Variants in MRPS6 observed in about 807,000 individuals in gnomAD.
MRPS6 encodes mitochondrial ribosomal protein S6.
Under a neutral mutation model 13.1 loss-of-function variants are expected in MRPS6, and 6 were observed. That is an observed-to-expected ratio of 0.46 (90% CI 0.25 to 0.91). The LOEUF (loss-of-function observed/expected upper bound fraction) is 0.91. Ranked by LOEUF, MRPS6 falls within the 40% of genes least tolerant of loss-of-function variation. MRPS6 has a pLI of 0.18. For synonymous variants in MRPS6, 61 were observed against 56.5 expected, an observed-to-expected ratio of 1.08 and a Z score of -0.36; for missense variants, 164 against 155.6, an observed-to-expected ratio of 1.05 and a Z score of -0.29.
At chr21:34,098,552 A>T (rs1979079243) in intron 1 of MRPS6, 1 of 1,000,150 alleles carries the variant, frequency 1.0e-6, no homozygotes, top group African/African-American at 1.7e-5. Flanking sequence ...TTTCAGTGCA[A>T]ACTGGCCGTC....
At chr21:34,113,055 C>T (rs950766143) in intron 1 of MRPS6, among the ~76,000 whole-genome samples, 2 of 152,150 alleles carry the variant, frequency 1.3e-5, no homozygotes, top group Admixed American at 1.3e-4. Flanking sequence ...CACCTCATGT[C>T]TGTCAGGATG....
In MRPS6 at chr21:34,096,275, T is replaced by A. The variant is rs1978960726; in HGVS notation, c.45+22530T>A. 6.2e-7 allele frequency: 1 copy of A among 1,614,012 alleles called. No individual in the cohort carries two copies. The highest frequency in any genetic ancestry group is 1.7e-5 in the Admixed American group (1 of 59,978). ...ACCCACGCCTGGTGATGAAGCTGGT[T>A]CCTGTGGGCCTTCGGGGTTTAATGA... On this transcript the variant is annotated intron_variant, in intron 1 of 2. Transcript: ENST00000399312. The surrounding 1 kb of genome is among the most constrained non-coding windows in gnomAD (Gnocchi z 5.9).
At chr21:34,103,014 AT>A in intron 1 of MRPS6, 2 of 999,834 alleles carry the variant, frequency 2.0e-6, no homozygotes, top group Non-Finnish European at 2.4e-6. Context: ...AGTAGTCTAG[AT>A]AAGTTTTCAA....
Position 34,096,433 on chromosome 21 carries a change from G to A in MRPS6, c.45+22688G>A. ...TCCCGGGAGTTAATGATTGTGGGGA[G>A]GATATTTGTGGCATTTATGGTGGTG... On this transcript the variant is annotated intron_variant, in intron 1 of 2. Coordinates refer to ENST00000399312, the MANE Select transcript of MRPS6 (RefSeq NM_032476.4). This position sits in a 1 kb window ranked among gnomAD's most constrained non-coding sequence, Gnocchi z 5.9. 3 of 1,614,190 alleles carry A rather than the reference G, an allele frequency of 1.9e-6. No individual in the cohort carries two copies. Among genetic ancestry groups the A allele is most frequent in the Non-Finnish European group, 2.5e-6 (3 of 1,180,032 alleles).
rs1989241581 is a variant in MRPS6, at chr21:34,073,625, A to G, written c.-76A>G. ...CCGGCGCAGCAGTTTCTAGGTCCCCACTGTCCCCGCCGTCCCGCCCCTTCG... is the reference window on the plus strand; with the variant it reads ...CCGGCGCAGCAGTTTCTAGGTCCCCGCTGTCCCCGCCGTCCCGCCCCTTCG... On this transcript the variant is annotated 5_prime_UTR_variant, in exon 1 of 3. Coordinates refer to ENST00000399312, the MANE Select transcript of MRPS6 (RefSeq NM_032476.4). 5.2e-6 allele frequency: 7 copies of G among 1,334,304 alleles called. No homozygotes were observed. The highest frequency in any genetic ancestry group is 2.0e-5 in the Admixed American group (1 of 50,496). 82.7% of individuals were successfully genotyped at this position (1,334,304 alleles called of 1,614,324 possible). A position where few individuals can be genotyped will look rare whatever the true frequency, so the allele number is the denominator to read the frequency against.
intron 1 of MRPS6, among the ~76,000 whole-genome samples, chr21:34,087,419 T>C (rs1016241912): frequency 6.6e-6 from 1 of 152,226 alleles, no homozygotes; most frequent in East Asian, 1.9e-4. Flanking sequence ...ACCTGTAATA[T>C]GTAAGATGGT....
intron 1 of MRPS6, chr21:34,098,790 T>A: frequency 1.0e-6 from 1 of 1,000,176 alleles, no homozygotes; most frequent in Non-Finnish European, 1.2e-6. Context: ...AGAGAAAAGC[T>A]CTACAGATTA....
At chr21:34,082,285 G>C (rs1989476332) in intron 1 of MRPS6, among the ~76,000 whole-genome samples, 1 of 152,116 alleles carries the variant, frequency 6.6e-6, no homozygotes, top group East Asian at 1.9e-4. Flanking sequence ...TTCAATTCTT[G>C]AAAGTATCTA....
intron 1 of MRPS6, among the ~76,000 whole-genome samples, chr21:34,093,650 A>T (rs16991192): frequency 0.068 from 10,282 of 152,272 alleles, 1,172 homozygotes; most frequent in African/African-American, 0.23. Flanking sequence ...GAAATCATTT[A>T]GAAGTTAATG....
At chr21:34,080,498 C>G (rs781595762) in intron 1 of MRPS6, among the ~76,000 whole-genome samples, 12 of 152,134 alleles carry the variant, frequency 7.9e-5, no homozygotes, top group Non-Finnish European at 1.5e-4. Flanking sequence ...TTCCACAATA[C>G]CCCACCACCT....
intron 1 of MRPS6, chr21:34,105,137 A>T (rs1169975583): frequency 1.0e-6 from 1 of 1,000,082 alleles, no homozygotes; most frequent in Non-Finnish European, 1.2e-6. Flanking sequence ...GATGGTATGG[A>T]ATTTGTTCCC....
intron 2 of MRPS6, among the ~76,000 whole-genome samples, chr21:34,132,816 C>T (rs554336773): frequency 2.0e-5 from 3 of 152,252 alleles, no homozygotes; most frequent in East Asian, 3.9e-4. Flanking sequence ...CCATTTGGTC[C>T]CAAAGCTATC....
intron 2 of MRPS6, chr21:34,135,728 G>T (rs1980672931): frequency 2.4e-6 from 1 of 421,174 alleles, no homozygotes; most frequent in East Asian, 6.0e-5. Context: ...TGGAGGTGAG[G>T]GTTCTCGCCT....
chr21:34,123,744 C>T (rs1025665360), intron 1 of MRPS6: 1 of 152,066 alleles, frequency 6.6e-6, no homozygotes, highest in Admixed American at 6.6e-5. Flanking sequence ...TTGCTTGTCC[C>T]TGGAGCCCTG....
At chr21:34,117,929 A>G (rs1215149818) in intron 1 of MRPS6, among the ~76,000 whole-genome samples, 1 of 152,188 alleles carries the variant, frequency 6.6e-6, no homozygotes, top group Non-Finnish European at 1.5e-5. Context: ...CATATTCACG[A>G]GTGCTTTTTA....
Position 34,096,890 on chromosome 21 carries a change from A to T in MRPS6, c.45+23145A>T, listed in dbSNP as rs199799705. The T allele has an allele frequency of 6.2e-7, 1 of 1,614,176 alleles. No homozygotes were observed. On this transcript the variant is annotated intron_variant, in intron 1 of 2. Transcript: ENST00000399312. This position sits in a 1 kb window ranked among gnomAD's most constrained non-coding sequence, Gnocchi z 5.9. ...AGAACTGCTCCCCAAAAGAGGAACCATACAAAATGCAAGAAAAGAGCATTC... is the reference window on the plus strand; with the variant it reads ...AGAACTGCTCCCCAAAAGAGGAACCTTACAAAATGCAAGAAAAGAGCATTC...
At chr21:34,139,671 G>A (rs1019841986) in intron 2 of MRPS6, among the ~76,000 whole-genome samples, 2 of 152,062 alleles carry the variant, frequency 1.3e-5, no homozygotes, top group Non-Finnish European at 2.9e-5. Context: ...TGGACCTCCT[G>A]GGTTCAAGTC....
chr21:34,099,610 T>A, intron 1 of MRPS6: 1 of 999,636 alleles, frequency 1.0e-6, no homozygotes, highest in Non-Finnish European at 1.2e-6. Context: ...GTGATTTTTT[T>A]TTTCTCCCTT....
Position 34,122,037 on chromosome 21 carries a change from G to T in MRPS6, c.46-3304G>T, listed in dbSNP as rs1302910232. 10 of 152,314 alleles carry T rather than the reference G, an allele frequency of 6.6e-5. No individual in the cohort carries two copies. In the East Asian group the frequency reaches 1.7e-3, roughly 26 times the overall value. The allele number at this position is 152,314 out of a possible 1,614,324, so 9.4% of individuals were successfully genotyped here. On this transcript the variant is annotated intron_variant, in intron 1 of 2. Coordinates refer to ENST00000399312, the MANE Select transcript of MRPS6 (RefSeq NM_032476.4). ...CTCTATACGTCAGTCAGTGGCCCAG[G>T]CTCATGGTTTTATTTGTGGTGCATT...
Sources: allele counts gnomAD v4.1 joint callset (sites outside exome capture counted in the v4.1 genomes callset), GRCh38; gene constraint gnomAD v4.1.1; non-coding constraint Gnocchi (gnomAD v3.1); transcripts MANE v1.5; gene names NCBI Gene and HGNC (gene_info 2026-07-23, HGNC 2026-07-21).